ARSG: variants seen among roughly 807,000 people sequenced by gnomAD.
ARSG encodes ASG.
Under a neutral mutation model 50.5 loss-of-function variants are expected in ARSG, and 37 were observed. The observed-to-expected ratio is 0.73, with a 90% CI of 0.56 to 0.96. The LOEUF is 0.96. Among genes scored for constraint, ARSG ranks in the 50% least tolerant of loss-of-function variants. ARSG has a pLI of 0.00. For synonymous variants in ARSG, 225 were observed against 254.6 expected (o/e 0.88, Z 1.11); for missense variants, 629 against 675.3 (o/e 0.93, Z 0.76).
chr17:68,422,153 C>T (rs1270429139), downstream of ARSG: 13 of 238,944 alleles, frequency 5.4e-5, no homozygotes, highest in East Asian at 1.7e-4. Context: ...TTAGGCTGGG[C>T]GCGGTGGCTC....
At chr17:68,343,477 T>A in intron 2 of ARSG, 127 bp from the exon 3 acceptor site, 1 of 984,514 alleles carries the variant, frequency 1.0e-6, no homozygotes, top group Non-Finnish European at 1.5e-6. Context: ...TTTCCTGACT[T>A]GTTCCATGAC....
chr17:68,406,617 A>G (rs779293625), intron 11 of ARSG, among the ~76,000 whole-genome samples: 21 of 152,028 alleles, frequency 1.4e-4, no homozygotes, highest in South Asian at 8.3e-4. Flanking sequence ...TTTGATTTGC[A>G]TTTCTCTGAT....
intron 2 of ARSG, among the ~76,000 whole-genome samples, chr17:68,316,723 A>G (rs1359352579): frequency 1.3e-5 from 2 of 152,178 alleles, no homozygotes; most frequent in African/African-American, 2.4e-5. Flanking sequence ...TAAGGCAGCA[A>G]AAGGGTCCCT....
chr17:68,299,994 A>G (rs1459469255), intron 1 of ARSG, among the ~76,000 whole-genome samples: 1 of 147,552 alleles, frequency 6.8e-6, no homozygotes, highest in Non-Finnish European at 1.5e-5. Flanking sequence ...GCTGGAGTGC[A>G]GTGACATGAT....
intron 1 of ARSG, among the ~76,000 whole-genome samples, chr17:68,302,669 A>G (rs782243158): frequency 3.3e-5 from 5 of 152,172 alleles, no homozygotes; most frequent in Non-Finnish European, 7.3e-5. Flanking sequence ...ACTTGAGCAC[A>G]CTTAGCAGCC....
Position 68,279,205 on chromosome 17 carries a change from C to T in ARSG, c.-552+19779C>T, listed in dbSNP as rs187150265. On this transcript the variant is annotated intron_variant, in intron 1 of 11. Transcript: ENST00000448504. ...TTGATCAGAAATGAAGCCTAGAAAACGGAGGCTGAAAAGCAAACATTGGCG... is the reference window on the plus strand; with the variant it reads ...TTGATCAGAAATGAAGCCTAGAAAATGGAGGCTGAAAAGCAAACATTGGCG... Among the ~76,000 whole-genome samples, 221 of 152,174 alleles carry T rather than the reference C, an allele frequency of 1.5e-3. 1 individual carries two copies. Among genetic ancestry groups the T allele is most frequent in the Non-Finnish European group, 2.5e-3 (173 of 68,020 alleles).
At chr17:68,407,638 T>G (rs2081791092) in intron 11 of ARSG, among the ~76,000 whole-genome samples, 1 of 152,072 alleles carries the variant, frequency 6.6e-6, no homozygotes, top group South Asian at 2.1e-4. Flanking sequence ...GGTTGACTTC[T>G]TGATTTGACT....
chr17:68,365,624 G>T (rs2079510674), intron 6 of ARSG, among the ~76,000 whole-genome samples: 1 of 152,178 alleles, frequency 6.6e-6, no homozygotes, highest in Admixed American at 6.5e-5. Context: ...GATGATGAAG[G>T]GTGGACAGCA....
At chr17:68,281,707 C>T (rs1479956496) in intron 1 of ARSG, among the ~76,000 whole-genome samples, 10 of 152,150 alleles carry the variant, frequency 6.6e-5, no homozygotes, top group Admixed American at 5.9e-4. Context: ...ATCAAAACCA[C>T]AGTGAGGTAT....
chr17:68,262,589 C>T (rs2075091051), intron 1 of ARSG, among the ~76,000 whole-genome samples: 1 of 151,866 alleles, frequency 6.6e-6, no homozygotes, highest in African/African-American at 2.4e-5. Context: ...CAGACTTGTG[C>T]TGTAAGAGGA....
chr17:68,283,703 T>C (rs1023654935), intron 1 of ARSG, among the ~76,000 whole-genome samples: 26 of 149,554 alleles, frequency 1.7e-4, no homozygotes, highest in African/African-American at 6.4e-4. Context: ...CTTGAAACCC[T>C]GTCTCTACTA....
intron 9 of ARSG, among the ~76,000 whole-genome samples, chr17:68,390,595 A>G (rs894393769): frequency 1.3e-5 from 2 of 151,950 alleles, no homozygotes; most frequent in Admixed American, 6.6e-5. Flanking sequence ...CATCAGACCC[A>G]TGAGGCATAG....
chr17:68,436,333 ACACAGC>A, the ARSG span: 1 of 1,564,242 alleles, frequency 6.4e-7, no homozygotes, highest in Non-Finnish European at 8.8e-7. Flanking sequence ...TTCCATGACC[ACACAGC>A]CAAGGCAGGT....
At chr17:68,379,131 G>A (rs570414363) in intron 8 of ARSG, among the ~76,000 whole-genome samples, 35 of 152,296 alleles carry the variant, frequency 2.3e-4, no homozygotes, top group Middle Eastern at 3.4e-3. Context: ...CAGGCCAGCC[G>A]GAGTCCTGGG....
intron 11 of ARSG, among the ~76,000 whole-genome samples, chr17:68,407,879 T>C (rs1600128060): frequency 6.6e-6 from 1 of 152,114 alleles, no homozygotes; most frequent in Non-Finnish European, 1.5e-5. Context: ...CTTTCTCTTG[T>C]CTTGCTCTGG....
chr17:68,439,385 G>A, the ARSG span, among the ~76,000 whole-genome samples: 7 of 152,270 alleles, frequency 4.6e-5, no homozygotes, highest in East Asian at 3.9e-4. Flanking sequence ...CAAAGGAACC[G>A]ATATTGTATG....
At chr17:68,316,924 T>G (rs1438282068) in intron 2 of ARSG, among the ~76,000 whole-genome samples, 1 of 152,144 alleles carries the variant, frequency 6.6e-6, no homozygotes, top group East Asian at 1.9e-4. Flanking sequence ...GTAGGACTCA[T>G]CTGGCTTCTT....
intron 1 of ARSG, among the ~76,000 whole-genome samples, chr17:68,281,034 G>A (rs781985949): frequency 2.6e-5 from 4 of 151,524 alleles, no homozygotes; most frequent in Non-Finnish European, 5.9e-5. Context: ...GCTGAGGGAC[G>A]AGGATTGCTT....
At chr17:68,293,780 A>G (rs1555757193) in intron 1 of ARSG, among the ~76,000 whole-genome samples, 1 of 152,170 alleles carries the variant, frequency 6.6e-6, no homozygotes, top group Non-Finnish European at 1.5e-5. Flanking sequence ...GAGCTCATCC[A>G]AAGATGACAT....
Sources: gnomAD v4.1 joint callset for allele counts (sites outside exome capture counted in the v4.1 genomes callset) on GRCh38, gnomAD v4.1.1 for gene constraint, MANE v1.5 for transcripts, NCBI Gene and HGNC (gene_info 2026-07-23, HGNC 2026-07-21) for gene names.